Variants in RABGAP1L observed in about 807,000 individuals in gnomAD.
RABGAP1L encodes the protein RAB GTPase activating protein 1 like.
RABGAP1L carries 63 observed loss-of-function variants against 137.7 expected under a neutral mutation model. That is an observed-to-expected ratio of 0.46 (90% confidence interval 0.37 to 0.56). The LOEUF (loss-of-function observed/expected upper bound fraction) is 0.56, where lower values mean the gene tolerates loss of function less well. Among genes scored for constraint, RABGAP1L ranks in the 20% least tolerant of loss-of-function variants. RABGAP1L has a pLI of 0.00. For missense variants in RABGAP1L, 1,095 were observed against 1,244.0 expected (o/e 0.88, Z 1.80); for synonymous variants, 431 against 433.7 (o/e 0.99, Z 0.08).
chr1:174,646,457 A>T (rs1383828746), intron 14 of RABGAP1L, among the ~76,000 whole-genome samples: 1 of 152,134 alleles, frequency 6.6e-6, no homozygotes, highest in Non-Finnish European at 1.5e-5. Flanking sequence ...AACACCATTT[A>T]TTAAATAGGA....
chr1:174,700,989 G>C lies in RABGAP1L; in HGVS notation c.2026-1124G>C, dbSNP rs976787167. 5 of 1,162,590 alleles carry C rather than the reference G, an allele frequency of 4.3e-6. No individual in the cohort carries two copies. The African/African-American group carries it at 6.5e-5, about 15-fold the overall frequency. 72.0% of individuals were successfully genotyped at this position (1,162,590 alleles called of 1,614,324 possible). The stretch of plus-strand genomic sequence containing the variant: ...AGTTTTTTTTCAGTTAACTGAATGA[G>C]CATTTGGACGTTCCATTTGAAGTAC... On this transcript the variant is annotated intron_variant, in intron 16 of 25. Coordinates refer to ENST00000681986, the MANE Select transcript of RABGAP1L (RefSeq NM_001366446.1).
chr1:174,773,999 T>C (rs928011067), intron 18 of RABGAP1L, among the ~76,000 whole-genome samples: 8 of 152,240 alleles, frequency 5.3e-5, no homozygotes, highest in African/African-American at 1.9e-4. Context: ...ATTTTGTCCA[T>C]TACAGTGTTG....
intron 3 of RABGAP1L, among the ~76,000 whole-genome samples, chr1:174,227,257 A>G (rs1388891410): frequency 2.0e-5 from 3 of 150,022 alleles, no homozygotes. Context: ...CTGGAGTGCA[A>G]TGGCACGATC....
intron 13 of RABGAP1L, among the ~76,000 whole-genome samples, chr1:174,608,902 C>G (rs1488169566): frequency 6.6e-6 from 1 of 152,156 alleles, no homozygotes; most frequent in Admixed American, 6.5e-5. Flanking sequence ...CATGGTTTAG[C>G]TGGCCCAAAC....
At chr1:174,317,726 C>T (rs902401305) in intron 11 of RABGAP1L, among the ~76,000 whole-genome samples, 3 of 152,180 alleles carry the variant, frequency 2.0e-5, no homozygotes, top group African/African-American at 7.2e-5. Flanking sequence ...CTAAGAGTTG[C>T]AGTCCTTATG....
intron 1 of RABGAP1L, among the ~76,000 whole-genome samples, chr1:174,211,264 AAAT>A (rs1295389404): frequency 2.0e-5 from 3 of 152,182 alleles, no homozygotes; most frequent in Non-Finnish European, 2.9e-5. Flanking sequence ...AACCAATAAA[AAAT>A]AATAACTGCA....
chr1:174,222,009 T>C (rs961347659), intron 3 of RABGAP1L, among the ~76,000 whole-genome samples: 5 of 151,964 alleles, frequency 3.3e-5, no homozygotes, highest in Admixed American at 6.6e-5. Flanking sequence ...TTTTTTTTTT[T>C]TGTAGTGATG....
At chr1:174,776,448 C>T (rs1025037004) in intron 18 of RABGAP1L, among the ~76,000 whole-genome samples, 1 of 152,140 alleles carries the variant, frequency 6.6e-6, no homozygotes, top group African/African-American at 2.4e-5. Flanking sequence ...TGCACACTTT[C>T]AAAAACTTGC....
chr1:174,424,188 A>G (rs942465705), intron 13 of RABGAP1L, among the ~76,000 whole-genome samples: 1 of 152,100 alleles, frequency 6.6e-6, no homozygotes, highest in Non-Finnish European at 1.5e-5. Flanking sequence ...ACCCACTACC[A>G]AAGAAGAGTT....
intron 11 of RABGAP1L, among the ~76,000 whole-genome samples, chr1:174,370,069 GTTC>G (rs1266116970): frequency 6.6e-6 from 1 of 152,144 alleles, no homozygotes; most frequent in East Asian, 1.9e-4. Context: ...TAATACTACT[GTTC>G]TTAACACAGA....
intron 19 of RABGAP1L, among the ~76,000 whole-genome samples, chr1:174,873,086 T>C (rs1652458822): frequency 1.3e-5 from 2 of 151,726 alleles, no homozygotes; most frequent in Admixed American, 1.3e-4. Flanking sequence ...TTTATTTCTT[T>C]GAGACAGAGT....
intron 1 of RABGAP1L, among the ~76,000 whole-genome samples, chr1:174,210,712 A>G (rs1363894872): frequency 6.6e-6 from 1 of 152,206 alleles, no homozygotes; most frequent in Non-Finnish European, 1.5e-5. Context: ...TACCAAATCT[A>G]CAGAAAGATA....
intron 13 of RABGAP1L, among the ~76,000 whole-genome samples, chr1:174,462,754 C>T (rs138790175): frequency 6.6e-6 from 1 of 152,252 alleles, no homozygotes; most frequent in African/African-American, 2.4e-5. Flanking sequence ...CAATGTTTAG[C>T]TCTCTCTTAT....
At chr1:174,576,619 C>G (rs151310132) in intron 13 of RABGAP1L, among the ~76,000 whole-genome samples, 15 of 152,262 alleles carry the variant, frequency 9.9e-5, no homozygotes, top group Non-Finnish European at 1.8e-4. Context: ...TTCAGGGGGT[C>G]TCCCTACATA....
At chr1:174,369,581 G>A (rs1015933733) in intron 11 of RABGAP1L, among the ~76,000 whole-genome samples, 4 of 152,166 alleles carry the variant, frequency 2.6e-5, no homozygotes, top group African/African-American at 9.7e-5. Flanking sequence ...ACATGGGATA[G>A]TTCCTCAGGG....
intron 14 of RABGAP1L, among the ~76,000 whole-genome samples, chr1:174,642,615 A>C (rs1674615541): frequency 3.3e-5 from 5 of 151,902 alleles, no homozygotes; most frequent in Admixed American, 3.3e-4. Context: ...AAATGTCAGC[A>C]TTTACTGAAC....
intron 11 of RABGAP1L, among the ~76,000 whole-genome samples, chr1:174,350,461 G>A (rs1260407882): frequency 8.5e-6 from 1 of 117,868 alleles, no homozygotes; most frequent in African/African-American, 3.4e-5. Context: ...TGGGGCGGCG[G>A]GGCAGAGGCG....
At chr1:174,617,315 A>T (rs1671980238) in intron 13 of RABGAP1L, among the ~76,000 whole-genome samples, 1 of 152,194 alleles carries the variant, frequency 6.6e-6, no homozygotes, top group South Asian at 2.1e-4. Context: ...ACAGCAACTG[A>T]CCCTCTCGAA....
At chr1:174,651,805 T>C (rs1334073616) in intron 14 of RABGAP1L, among the ~76,000 whole-genome samples, 1 of 152,258 alleles carries the variant, frequency 6.6e-6, no homozygotes, top group East Asian at 1.9e-4. Context: ...CAAGTCTGTG[T>C]CTTTTAATTG....
Sources: allele counts gnomAD v4.1 joint callset (sites outside exome capture counted in the v4.1 genomes callset), GRCh38; gene constraint gnomAD v4.1.1; transcripts MANE v1.5; gene names NCBI Gene and HGNC (gene_info 2026-07-23, HGNC 2026-07-21).